Variants in LRRC7 observed in about 807,000 individuals in gnomAD.
The protein encoded by LRRC7 is leucine rich repeat containing 7.
In LRRC7, 23 loss-of-function variants were observed where a neutral mutation model predicts 175.7. That is an observed-to-expected ratio of 0.13 (90% confidence interval 0.09 to 0.19). LRRC7 has a LOEUF of 0.19. Ranked by LOEUF, LRRC7 falls within the 10% of genes least tolerant of loss-of-function variation. LRRC7 has a pLI of 1.00. For synonymous variants in LRRC7, 685 were observed against 680.9 expected, an observed-to-expected ratio of 1.01 and a Z score of -0.09; for missense variants, 1,354 against 1,904.7, an observed-to-expected ratio of 0.71 and a Z score of 5.38.
chr1:69,605,205 G>A (rs1017289934), intron 1 of LRRC7, among the ~76,000 whole-genome samples: 13 of 152,240 alleles, frequency 8.5e-5, no homozygotes, highest in African/African-American at 2.9e-4. Flanking sequence ...AGATCTGATG[G>A]TTTTATAAAG....
chr1:69,781,071 T>A (rs527768711), intron 3 of LRRC7, among the ~76,000 whole-genome samples: 1 of 152,334 alleles, frequency 6.6e-6, no homozygotes, highest in South Asian at 2.1e-4. Flanking sequence ...TTCTTAATTT[T>A]CCAAGCATGA....
intron 26 of LRRC7, among the ~76,000 whole-genome samples, chr1:70,117,915 G>A (rs150436993): frequency 3.2e-4 from 48 of 152,034 alleles, no homozygotes; most frequent in East Asian, 1.9e-3. Context: ...TCTTCAAATC[G>A]TCTTTTGCAT....
intron 8 of LRRC7, among the ~76,000 whole-genome samples, chr1:69,959,958 G>C (rs933406055): frequency 6.6e-6 from 1 of 151,952 alleles, no homozygotes; most frequent in African/African-American, 2.4e-5. Context: ...TGTTGTTGTT[G>C]TTCTCTGCCA....
At chr1:69,698,342 C>T (rs1662877992) in intron 2 of LRRC7, among the ~76,000 whole-genome samples, 2 of 152,192 alleles carry the variant, frequency 1.3e-5, no homozygotes, top group Admixed American at 6.5e-5. Flanking sequence ...GTTTCAACCC[C>T]CAGCACTTTC....
intron 7 of LRRC7, among the ~76,000 whole-genome samples, chr1:69,923,619 C>T (rs1173177539): frequency 6.6e-6 from 1 of 152,164 alleles, no homozygotes; most frequent in Non-Finnish European, 1.5e-5. Context: ...AGTGTCTGTT[C>T]ATGTCCTTTG....
At chr1:69,978,542 A>C (rs1458791513) in intron 8 of LRRC7, among the ~76,000 whole-genome samples, 2 of 152,194 alleles carry the variant, frequency 1.3e-5, no homozygotes, top group Non-Finnish European at 2.9e-5. Flanking sequence ...ACATGCATAC[A>C]CACACATCCT....
At chr1:69,865,364 A>G (rs1048011633) in intron 7 of LRRC7, among the ~76,000 whole-genome samples, 1 of 151,774 alleles carries the variant, frequency 6.6e-6, no homozygotes, top group African/African-American at 2.4e-5. Context: ...GAATACAGCT[A>G]AGGTGAACTT....
chr1:69,589,638 T>G (rs1287909825), intron 1 of LRRC7, among the ~76,000 whole-genome samples: 3 of 152,110 alleles, frequency 2.0e-5, no homozygotes, highest in Non-Finnish European at 4.4e-5. Flanking sequence ...TTAAAACTAT[T>G]AATATTTGGA....
At chr1:69,954,663 A>G (rs1018785588) in intron 8 of LRRC7, among the ~76,000 whole-genome samples, 2 of 152,102 alleles carry the variant, frequency 1.3e-5, no homozygotes, top group Non-Finnish European at 1.5e-5. Context: ...GGGTAATGTG[A>G]ATTCAAATAT....
In LRRC7 at chr1:70,082,781, ATTTTTTTTT is replaced by A. The variant is rs1172403797; in HGVS notation, c.4452+6506_4452+6514del. On this transcript the variant is annotated intron_variant, in intron 24 of 26. Coordinates refer to ENST00000651989, the MANE Select transcript of LRRC7 (RefSeq NM_001370785.2). Reference sequence around the variant, plus strand: ...TATTAGTCAATCTTGATACCAGTACATTTTTTTTTTTTTTTTTTTTTTTTTTTTTTTGAG... The same window carrying A: ...TATTAGTCAATCTTGATACCAGTACATTTTTTTTTTTTTTTTTTTTTTGAG... Among the ~76,000 whole-genome samples, 40 of 52,306 alleles carry A rather than the reference ATTTTTTTTT, an allele frequency of 7.6e-4. 5 individuals carry two copies. The highest frequency in any genetic ancestry group is 5.0e-3 in the South Asian group (6 of 1,190). The allele number at this position is 52,306 out of a possible 152,430, so 34.3% of individuals were successfully genotyped here. A position where few individuals can be genotyped will look rare whatever the true frequency, so the allele number is the denominator to read the frequency against.
chr1:69,830,664 C>A (rs963678816), intron 5 of LRRC7, among the ~76,000 whole-genome samples: 1 of 151,744 alleles, frequency 6.6e-6, no homozygotes, highest in Admixed American at 6.6e-5. Context: ...ATAAAGAAGA[C>A]ATTAATTTTG....
chr1:69,615,118 T>C (rs533423541), intron 1 of LRRC7, among the ~76,000 whole-genome samples: 3 of 152,088 alleles, frequency 2.0e-5, no homozygotes, highest in African/African-American at 7.2e-5. Flanking sequence ...TTATCACCAA[T>C]AATCCCTTTT....
At chr1:69,791,580 A>G (rs1675127572) in intron 3 of LRRC7, among the ~76,000 whole-genome samples, 1 of 152,068 alleles carries the variant, frequency 6.6e-6, no homozygotes, top group Non-Finnish European at 1.5e-5. Context: ...GAACTCAAGT[A>G]TTCCAGTTTA....
At chr1:69,795,353 C>T (rs1034032878) in intron 4 of LRRC7, among the ~76,000 whole-genome samples, 1 of 146,220 alleles carries the variant, frequency 6.8e-6, no homozygotes, top group African/African-American at 2.6e-5. Context: ...CTAGCCTGGA[C>T]GACAGAGCAA....
Position 69,910,748 on chromosome 1 carries a change from G to A in LRRC7, c.648-20759G>A, listed in dbSNP as rs564667449. Among the ~76,000 whole-genome samples the A allele has an allele frequency of 3.2e-3, 490 of 152,340 alleles. 1 individual carries two copies. The highest frequency in any genetic ancestry group is 0.011 in the African/African-American group (444 of 41,590). ...AAAGCTGTCAGACAGGGACATTTAA[G>A]TCTGCAGAGGTTACTGCTGTCTTTT... On this transcript the variant is annotated intron_variant, in intron 7 of 26. Coordinates refer to ENST00000651989, the MANE Select transcript of LRRC7 (RefSeq NM_001370785.2).
At chr1:69,668,328 A>G (rs1458036341) in intron 1 of LRRC7, among the ~76,000 whole-genome samples, 1 of 151,334 alleles carries the variant, frequency 6.6e-6, no homozygotes, top group Non-Finnish European at 1.5e-5. Flanking sequence ...GCAGTGTGTG[A>G]TGTTCCCCTC....
chr1:69,765,622 C>G (rs1671540642), intron 3 of LRRC7, among the ~76,000 whole-genome samples: 1 of 152,110 alleles, frequency 6.6e-6, no homozygotes, highest in African/African-American at 2.4e-5. Context: ...TTCCATCCAT[C>G]TATCTATCCA....
intron 25 of LRRC7, among the ~76,000 whole-genome samples, chr1:70,105,373 A>G (rs183059458): frequency 1.3e-5 from 2 of 152,300 alleles, no homozygotes; most frequent in Non-Finnish European, 2.9e-5. Context: ...TAAGTAGTGC[A>G]TAATCATTGT....
intron 2 of LRRC7, among the ~76,000 whole-genome samples, chr1:69,681,103 G>T (rs1198476325): frequency 6.6e-6 from 1 of 150,772 alleles, no homozygotes; most frequent in Non-Finnish European, 1.5e-5. Context: ...CAAAGAAGAG[G>T]TTCTAAATAA....
Sources: allele counts gnomAD v4.1 joint callset (sites outside exome capture counted in the v4.1 genomes callset), GRCh38; gene constraint gnomAD v4.1.1; transcripts MANE v1.5; gene names NCBI Gene and HGNC (gene_info 2026-07-23, HGNC 2026-07-21).